GLIS3: variants seen among roughly 807,000 people sequenced by gnomAD.
GLIS3 encodes the protein GLIS family zinc finger 3.
A neutral mutation model predicts 78.6 loss-of-function variants in GLIS3; 53 were observed. The observed-to-expected ratio is 0.67, with a 90% CI of 0.54 to 0.85. The LOEUF (loss-of-function observed/expected upper bound fraction) is 0.85, where lower values mean the gene tolerates loss of function less well. Ranked by LOEUF, GLIS3 falls within the 40% of genes least tolerant of loss-of-function variation. The pLI, the probability that GLIS3 is intolerant of heterozygous loss-of-function variation, is 0.00. For missense variants in GLIS3, 1,703 were observed against 1,231.1 expected (o/e 1.38, Z -5.74); for synonymous variants, 684 against 509.9 (o/e 1.34, Z -4.60).
intron 1 of GLIS3, among the ~76,000 whole-genome samples, chr9:4,288,574 G>A (rs976367138): frequency 2.0e-5 from 3 of 152,112 alleles, no homozygotes; most frequent in Non-Finnish European, 4.4e-5. Flanking sequence ...GAGGTACTTA[G>A]CACGATCATT....
At chr9:4,196,144 G>A (rs1740111433) in intron 2 of GLIS3, among the ~76,000 whole-genome samples, 1 of 152,034 alleles carries the variant, frequency 6.6e-6, no homozygotes, top group Non-Finnish European at 1.5e-5. Context: ...AATCTAGTGG[G>A]GACTTGGAGA....
chr9:4,067,938 A>C (rs1343645898), intron 4 of GLIS3, among the ~76,000 whole-genome samples: 1 of 152,180 alleles, frequency 6.6e-6, no homozygotes, highest in African/African-American at 2.4e-5. Flanking sequence ...ATTATTCAAT[A>C]TCCACTAGTG....
chr9:4,482,291 A>C, the GLIS3 span, among the ~76,000 whole-genome samples: 2 of 152,232 alleles, frequency 1.3e-5, no homozygotes, highest in Non-Finnish European at 2.9e-5. Flanking sequence ...TAACTAATAG[A>C]TAAGTTCTTT....
intron 8 of GLIS3, among the ~76,000 whole-genome samples, chr9:3,877,067 T>C (rs952710288): frequency 1.3e-5 from 2 of 152,270 alleles, no homozygotes; most frequent in African/African-American, 4.8e-5. Flanking sequence ...ATATTCTTGT[T>C]AAGAGTTGTT....
At chr9:4,104,977 C>T (rs1385219155) in intron 4 of GLIS3, among the ~76,000 whole-genome samples, 1 of 152,182 alleles carries the variant, frequency 6.6e-6, no homozygotes, top group East Asian at 1.9e-4. Context: ...CTGAAAGTCA[C>T]ATTTGGAGAC....
At chr9:4,383,662 A>G in the GLIS3 span, among the ~76,000 whole-genome samples, 12 of 152,358 alleles carry the variant, frequency 7.9e-5, no homozygotes, top group African/African-American at 1.7e-4. Context: ...ATCTAGATGT[A>G]TAAGTCCAAA....
At position 4,334,834 on chromosome 9, in the gene GLIS3, G is replaced by A. The variant is rs147108118; in HGVS notation, n.264+12247C>T. Among the ~76,000 whole-genome samples, 450 of 151,864 alleles carry A rather than the reference G, an allele frequency of 3.0e-3. 4 individuals carry two copies. The highest frequency in any genetic ancestry group is 0.01 in the African/African-American group (432 of 41,364). The stretch of plus-strand genomic sequence containing the variant: ...CCTTTAAAAGCATGCCCAGCCATGG[G>A]CAGTCATGCCTGCTCTCTTCAACCC... On this transcript the variant is annotated intron_variant and non_coding_transcript_variant, in intron 2 of 4. Coordinates refer to the GLIS3 transcript ENST00000471664.
the GLIS3 span, among the ~76,000 whole-genome samples, chr9:4,353,874 A>C: frequency 2.6e-5 from 4 of 152,032 alleles, no homozygotes; most frequent in South Asian, 2.1e-4. Flanking sequence ...GTCGCCCAGG[A>C]TGGAGTGCAG....
chr9:3,956,102 T>G (rs1817093159), intron 4 of GLIS3, among the ~76,000 whole-genome samples: 1 of 151,680 alleles, frequency 6.6e-6, no homozygotes, highest in Non-Finnish European at 1.5e-5. Flanking sequence ...CTGCTTACAT[T>G]GTCCATGAAA....
chr9:4,326,535 G>A (rs917923220), intron 2 of GLIS3, among the ~76,000 whole-genome samples: 4 of 148,602 alleles, frequency 2.7e-5, no homozygotes, highest in Non-Finnish European at 4.5e-5. Context: ...GTGTTTACCA[G>A]GGGGAGGGAG....
chr9:4,107,028 G>C (rs1830808324), intron 4 of GLIS3, among the ~76,000 whole-genome samples: 1 of 152,106 alleles, frequency 6.6e-6, no homozygotes, highest in Non-Finnish European at 1.5e-5. Flanking sequence ...AAAAAAAATG[G>C]TTGGGCTGGG....
At chr9:4,413,344 C>G in the GLIS3 span, among the ~76,000 whole-genome samples, 1 of 152,198 alleles carries the variant, frequency 6.6e-6, no homozygotes, top group African/African-American at 2.4e-5. Context: ...GAAGTGTCAT[C>G]TTCTCTGTTT....
intron 8 of GLIS3, 152 bp downstream of exon 8, chr9:3,879,275 C>A: frequency 1.4e-6 from 1 of 732,878 alleles, no homozygotes; most frequent in African/African-American, 1.7e-5. Flanking sequence ...ATTTGGTCCA[C>A]GTGCTTTGTG....
chr9:4,139,193 T>G (rs1221048061), intron 2 of GLIS3, among the ~76,000 whole-genome samples: 1 of 152,172 alleles, frequency 6.6e-6, no homozygotes, highest in East Asian at 1.9e-4. Context: ...CTCAACCTGC[T>G]TTTTCCCCTG....
At chr9:4,417,476 C>T in the GLIS3 span, among the ~76,000 whole-genome samples, 5 of 152,276 alleles carry the variant, frequency 3.3e-5, no homozygotes, top group South Asian at 2.1e-4. Context: ...CATATAGTCA[C>T]GTACCATTAT....
chr9:4,014,787 G>C (rs1822304927), intron 4 of GLIS3, among the ~76,000 whole-genome samples: 1 of 152,200 alleles, frequency 6.6e-6, no homozygotes, highest in Non-Finnish European at 1.5e-5. Flanking sequence ...TCAAAGTGCA[G>C]ATGTACACAC....
chr9:4,485,620 A>G, the GLIS3 span, among the ~76,000 whole-genome samples: 12 of 152,084 alleles, frequency 7.9e-5, no homozygotes, highest in Non-Finnish European at 1.8e-4. Context: ...CTTTACAACA[A>G]TACCAGTGTT....
At chr9:4,480,999 C>G in the GLIS3 span, among the ~76,000 whole-genome samples, 1 of 152,012 alleles carries the variant, frequency 6.6e-6, no homozygotes, top group African/African-American at 2.4e-5. Flanking sequence ...GGGCCATGGG[C>G]AAGCACCACC....
chr9:4,039,613 G>A (rs1041835072), intron 4 of GLIS3, among the ~76,000 whole-genome samples: 3 of 152,158 alleles, frequency 2.0e-5, no homozygotes, highest in African/African-American at 7.2e-5. Flanking sequence ...GAAGTGACTC[G>A]TCCAAGGAAA....
Sources: gnomAD v4.1 joint callset for allele counts (sites outside exome capture counted in the v4.1 genomes callset) on GRCh38, gnomAD v4.1.1 for gene constraint, MANE v1.5 for transcripts, NCBI Gene and HGNC (gene_info 2026-07-23, HGNC 2026-07-21) for gene names.